TOM1L2: variants seen among roughly 807,000 people sequenced by gnomAD.
TOM1L2 encodes the protein TOM1-like protein 2.
In TOM1L2, 31 loss-of-function variants were observed where a neutral mutation model predicts 67.9. The observed-to-expected ratio is 0.46, with a 90% CI of 0.34 to 0.62. The LOEUF (loss-of-function observed/expected upper bound fraction) is 0.62. Ranked by LOEUF, TOM1L2 falls within the 20% of genes least tolerant of loss-of-function variation. The pLI is 0.01. For synonymous variants in TOM1L2, 256 were observed against 254.0 expected (o/e 1.01, Z -0.07); for missense variants, 606 against 663.5 (o/e 0.91, Z 0.95).
At chr17:17,879,595 C>T (rs2037607024) in intron 7 of TOM1L2, 32 bp downstream of exon 7, 2 of 1,575,816 alleles carry the variant, frequency 1.3e-6, no homozygotes, top group Non-Finnish European at 1.7e-6. Context: ...GAGCTGCCAC[C>T]ACAGGCCAAG....
At chr17:17,967,132 C>G (rs1486989354) in intron 1 of TOM1L2, among the ~76,000 whole-genome samples, 1 of 152,192 alleles carries the variant, frequency 6.6e-6, no homozygotes, top group Non-Finnish European at 1.5e-5. Context: ...GGACAACTAA[C>G]TATTCTTGGT....
At chr17:17,875,638 G>C (rs1246135579) in intron 7 of TOM1L2, among the ~76,000 whole-genome samples, 1 of 152,186 alleles carries the variant, frequency 6.6e-6, no homozygotes, top group Non-Finnish European at 1.5e-5. Flanking sequence ...CCAACTATTA[G>C]AACACCTTGG....
rs779766547 is a variant in TOM1L2 at position 17,869,416 on chromosome 17, C to T, written c.835G>A (p.Val279Met). The T allele has an allele frequency of 2.1e-5, 34 of 1,613,482 alleles. No individual in the cohort carries two copies. Among genetic ancestry groups the T allele is most frequent in the Non-Finnish European group, 2.7e-5 (32 of 1,180,014 alleles). ...QQRIVELISR[V>M]SNEEVTEELL... ...TCCTCGGTGACCTCCTCATTGGACA[C>T]GCGGGAGATGAGCTCCACGATGCGC... is the stretch of plus-strand genomic sequence containing the variant. The change falls in exon 8 of 15, where the codon GTG (valine) becomes ATG (methionine). Residue 279 changes from valine to methionine, a missense_variant. This residue lies in a region of TOM1L2 where 543 missense variants were observed against 554.0 expected (regional missense o/e 0.98). Transcript: ENST00000379504.
chr17:17,917,826 A>T (rs1195594801), intron 1 of TOM1L2, among the ~76,000 whole-genome samples: 1 of 151,902 alleles, frequency 6.6e-6, no homozygotes, highest in Non-Finnish European at 1.5e-5. Flanking sequence ...GTGGTGGCTT[A>T]CACCTGTCAT....
At chr17:17,906,457 A>G (rs765669626) in intron 2 of TOM1L2, among the ~76,000 whole-genome samples, 3 of 151,332 alleles carry the variant, frequency 2.0e-5, no homozygotes, top group Non-Finnish European at 4.4e-5. Flanking sequence ...TCTATTTAAC[A>G]TTGCTAATTC....
intron 5 of TOM1L2, 68 bp from the exon 6 acceptor site, chr17:17,882,931 C>T: frequency 6.3e-7 from 1 of 1,577,888 alleles, no homozygotes; most frequent in South Asian, 1.2e-5. Flanking sequence ...GGTACCTACC[C>T]CACCCCATGC....
intron 1 of TOM1L2, among the ~76,000 whole-genome samples, chr17:17,924,678 T>C (rs1455060002): frequency 6.6e-6 from 1 of 152,078 alleles, no homozygotes; most frequent in African/African-American, 2.4e-5. Context: ...GATAGGAGTA[T>C]TGCTTCAGCA....
chr17:17,919,045 G>C (rs1028054202), intron 1 of TOM1L2, among the ~76,000 whole-genome samples: 1 of 152,192 alleles, frequency 6.6e-6, no homozygotes, highest in Non-Finnish European at 1.5e-5. Flanking sequence ...CAGGAGAAAT[G>C]TGCATTATAA....
rs2037908598 is a variant in TOM1L2, at chr17:17,884,773, G to A, written c.367-5C>T. The A allele has an allele frequency of 6.2e-7, 1 of 1,613,188 alleles. No individual in the cohort carries two copies. The highest frequency in any genetic ancestry group is 1.1e-5 in the South Asian group (1 of 91,034). On this transcript the variant is annotated splice_polypyrimidine_tract_variant and splice_region_variant and intron_variant, in intron 4 of 14. Coordinates refer to ENST00000379504, the MANE Select transcript of TOM1L2 (RefSeq NM_001082968.2). ...TCGAAAGGCATCAGCCCATGCCTGGGATAATAGAAGGCCTGTTAGGAAGCA... is the reference window on the plus strand; with the variant it reads ...TCGAAAGGCATCAGCCCATGCCTGGAATAATAGAAGGCCTGTTAGGAAGCA...
At chr17:17,943,808 C>T (rs1173251635) in intron 1 of TOM1L2, among the ~76,000 whole-genome samples, 1 of 152,220 alleles carries the variant, frequency 6.6e-6, no homozygotes, top group Non-Finnish European at 1.5e-5. Context: ...TATCTCTAAC[C>T]AGCCCTGACT....
intron 1 of TOM1L2, among the ~76,000 whole-genome samples, chr17:17,963,983 T>C (rs2041790813): frequency 6.6e-6 from 1 of 152,180 alleles, no homozygotes; most frequent in African/African-American, 2.4e-5. Context: ...AAATGAATGA[T>C]ATGGATAGCA....
intron 1 of TOM1L2, among the ~76,000 whole-genome samples, chr17:17,923,039 A>G (rs1167152465): frequency 6.6e-6 from 1 of 152,210 alleles, no homozygotes; most frequent in Non-Finnish European, 1.5e-5. Context: ...AGTGATTACA[A>G]AATTCCACAC....
intron 1 of TOM1L2, among the ~76,000 whole-genome samples, chr17:17,927,846 G>GT (rs1316938633): frequency 6.6e-6 from 1 of 151,820 alleles, no homozygotes; most frequent in Non-Finnish European, 1.5e-5. Context: ...TGTATTCGTG[G>GT]TACAGCCAGG....
intron 9 of TOM1L2, 132 bp downstream of exon 9, chr17:17,866,744 A>T: frequency 2.1e-6 from 2 of 974,830 alleles, no homozygotes; most frequent in South Asian, 2.9e-5. Context: ...TATCCCATCA[A>T]CCAGAGCTTG....
chr17:17,885,378 G>A (rs2037941245), intron 4 of TOM1L2, among the ~76,000 whole-genome samples: 6 of 152,254 alleles, frequency 3.9e-5, no homozygotes, highest in Admixed American at 3.9e-4. Flanking sequence ...TGTGGTTCAA[G>A]GGAAGAAGAG....
chr17:17,929,027 T>C (rs2040214895), intron 1 of TOM1L2, among the ~76,000 whole-genome samples: 1 of 152,224 alleles, frequency 6.6e-6, no homozygotes, highest in East Asian at 1.9e-4. Context: ...CTCATTGCTA[T>C]GGTTCCTAAT....
chr17:17,848,199 G>C (rs983364236), intron 14 of TOM1L2, among the ~76,000 whole-genome samples: 74 of 152,280 alleles, frequency 4.9e-4, no homozygotes, highest in Admixed American at 4.6e-3. Context: ...CAGTGGGGAG[G>C]GGGGAGTGCC....
chr17:17,923,117 G>A (rs1368265309), intron 1 of TOM1L2, among the ~76,000 whole-genome samples: 1 of 152,206 alleles, frequency 6.6e-6, no homozygotes, highest in Non-Finnish European at 1.5e-5. Context: ...CACAGTGTTG[G>A]CTGGGCGCAG....
At chr17:17,914,035 C>A (rs1031431399) in intron 1 of TOM1L2, among the ~76,000 whole-genome samples, 2 of 152,202 alleles carry the variant, frequency 1.3e-5, no homozygotes, top group African/African-American at 2.4e-5. Flanking sequence ...TCCAGGCCCG[C>A]AGGCAAAGCT....
Sources: allele counts gnomAD v4.1 joint callset (sites outside exome capture counted in the v4.1 genomes callset), GRCh38; gene constraint gnomAD v4.1.1; regional missense constraint gnomAD v4.1.1; transcripts MANE v1.5; gene names NCBI Gene and HGNC (gene_info 2026-07-23, HGNC 2026-07-21).